KIR2DL4: variants seen among roughly 807,000 people sequenced by gnomAD.
KIR2DL4 encodes killer cell immunoglobulin-like receptor 2DL4.
KIR2DL4 carries 41 observed loss-of-function variants against 31.0 expected under a neutral mutation model. The observed-to-expected ratio is 1.32, with a 90% CI of 1.03 to 1.72. The LOEUF is 1.72. Among genes scored for constraint, KIR2DL4 ranks in the 40% most tolerant of loss-of-function variants. The probability of loss-of-function intolerance (pLI) is 0.00; values close to 1 mark genes in which losing one functional copy is unlikely to be tolerated. For missense variants in KIR2DL4, 438 were observed against 353.7 expected, an observed-to-expected ratio of 1.24 and a Z score of -1.91; for synonymous variants, 164 against 133.6, an observed-to-expected ratio of 1.23 and a Z score of -1.57.
At chr19:54,810,998 C>T (rs1249346273) in intron 5 of KIR2DL4, among the ~76,000 whole-genome samples, 1 of 151,284 alleles carries the variant, frequency 6.6e-6, no homozygotes, top group Non-Finnish European at 1.5e-5. Flanking sequence ...TTAATCTTCA[C>T]TTCATTGATT....
intron 2 of KIR2DL4, 76 bp from the exon 3 acceptor site, chr19:54,804,717 G>T: frequency 6.8e-7 from 1 of 1,467,690 alleles, no homozygotes; most frequent in Non-Finnish European, 9.3e-7. Flanking sequence ...AAGAAATGGG[G>T]AGAATCTTCT....
At position 54,803,825 on chromosome 19, in the gene KIR2DL4, A is replaced by G. The variant is rs1457471877; in HGVS notation, c.41-66A>G. On this transcript the variant is annotated intron_variant, in intron 1 of 7. Transcript: ENST00000359085. The stretch of plus-strand genomic sequence containing the variant: ...TAATTTTCAGTCCAGCGTGGCGCCC[A>G]GTGGCTCAGGAGGAAAGGGTAGGTT... The G allele has an allele frequency of 2.5e-6, 4 of 1,570,196 alleles. No individual in the cohort carries two copies. The African/African-American group carries it at 4.1e-5, about 16-fold the overall frequency.
intron 6 of KIR2DL4, chr19:54,813,423 G>C: frequency 1.3e-6 from 1 of 795,016 alleles, no homozygotes; most frequent in Non-Finnish European, 2.0e-6. Flanking sequence ...ATTGTGAACT[G>C]TATCCTCACG....
chr19:54,807,001 G>A (rs1383451914), intron 4 of KIR2DL4, among the ~76,000 whole-genome samples: 3 of 143,870 alleles, frequency 2.1e-5, no homozygotes, highest in African/African-American at 8.2e-5. Context: ...GTGACACAGA[G>A]AGACTCTGTC....
intron 5 of KIR2DL4, among the ~76,000 whole-genome samples, chr19:54,810,141 C>T (rs528070258): frequency 8.7e-5 from 13 of 149,096 alleles, no homozygotes; most frequent in Middle Eastern, 3.4e-3. Flanking sequence ...TTTTATGAGA[C>T]AGTGTCTCCC....
exon 8 of KIR2DL4, chr19:54,814,301 C>G: frequency 1.6e-6 from 1 of 627,632 alleles, no homozygotes; most frequent in Non-Finnish European, 2.7e-6. Context: ...ACTTCCTAGT[C>G]TACTTGAGGC....
chr19:54,805,317 G>C (rs1041106749), intron 3 of KIR2DL4, among the ~76,000 whole-genome samples: 5 of 151,452 alleles, frequency 3.3e-5, no homozygotes, highest in Non-Finnish European at 7.4e-5. Flanking sequence ...GGAAGATGGA[G>C]CTCAGGTTGT....
rs1343906415 is a variant in KIR2DL4 at position 54,807,489 on chromosome 19, G to C, written c.655+1245G>C. Reference sequence around the variant, plus strand: ...TTTCACTCTTGTTGCCCAAGCTGGAGTGCAATGGCACCACCTGGGCTCACT... The same window carrying C: ...TTTCACTCTTGTTGCCCAAGCTGGACTGCAATGGCACCACCTGGGCTCACT... On this transcript the variant is annotated intron_variant, in intron 4 of 7. Transcript: ENST00000359085. Among the ~76,000 whole-genome samples, 7 of 151,184 alleles carry C rather than the reference G, an allele frequency of 4.6e-5. 1 individual carries two copies. Among genetic ancestry groups the C allele is most frequent in the African/African-American group, 1.7e-4 (7 of 40,792 alleles).
rs1338921926 is a variant in KIR2DL4 at position 54,814,345 on chromosome 19, A to G, written c.*545A>G. On this transcript the variant is annotated 3_prime_UTR_variant, in exon 8 of 8. Coordinates refer to ENST00000359085, the Ensembl canonical transcript of KIR2DL4. ...CACTGAGGAACTCACAATTCCAAACATACAAGAGGCTCTCTCTTAACACGG... is the reference window on the plus strand; with the variant it reads ...CACTGAGGAACTCACAATTCCAAACGTACAAGAGGCTCTCTCTTAACACGG... The G allele has an allele frequency of 4.9e-5, 27 of 551,348 alleles. 1 individual carries two copies. The East Asian group carries it at 8.6e-4, about 18-fold the overall frequency. 34.2% of individuals were successfully genotyped at this position (551,348 alleles called of 1,614,324 possible).
At chr19:54,804,133 G>A (rs918796971) in intron 2 of KIR2DL4, among the ~76,000 whole-genome samples, 2 of 150,250 alleles carry the variant, frequency 1.3e-5, no homozygotes, top group Non-Finnish European at 3.0e-5. Context: ...TCATGAACTA[G>A]TAAGAGGAGA....
exon 1 of KIR2DL4, chr19:54,803,671 T>A (rs1435282098): frequency 1.2e-6 from 2 of 1,612,124 alleles, no homozygotes; most frequent in Non-Finnish European, 1.7e-6. Flanking sequence ...TCACCCACGG[T>A]CATCATCCTG....
exon 8 of KIR2DL4, chr19:54,814,241 A>G: frequency 9.2e-7 from 1 of 1,087,946 alleles, no homozygotes; most frequent in African/African-American, 1.6e-5. Flanking sequence ...CTTAGCCCAC[A>G]ATTCTCTATT....
intron 1 of KIR2DL4, 64 bp from the exon 2 acceptor site, chr19:54,803,827 T>G: frequency 6.4e-7 from 1 of 1,573,190 alleles, no homozygotes; most frequent in Non-Finnish European, 8.7e-7. Flanking sequence ...TGGCGCCCAG[T>G]GGCTCAGGAG....
exon 8 of KIR2DL4, chr19:54,813,878 GCA>G (rs1281129203): frequency 6.2e-7 from 1 of 1,612,286 alleles, no homozygotes; most frequent in Non-Finnish European, 8.5e-7. Context: ...GGTGACATAC[GCA>G]CAGTTGGATC....
chr19:54,804,023 G>C, intron 2 of KIR2DL4, 97 bp downstream of exon 2: 2 of 1,090,224 alleles, frequency 1.8e-6, no homozygotes, highest in Non-Finnish European at 2.7e-6. Context: ...TGGGCTGATG[G>C]GCTGACCATG....
intron 2 of KIR2DL4, 40 bp downstream of exon 2, chr19:54,803,966 C>A (rs1601107741): frequency 6.3e-7 from 1 of 1,584,226 alleles, no homozygotes; most frequent in Non-Finnish European, 8.6e-7. Flanking sequence ...ATCTTCACCC[C>A]AATACAAGTG....
At chr19:54,805,892 G>C in intron 3 of KIR2DL4, 59 bp from the exon 4 acceptor site, 1 of 1,458,500 alleles carries the variant, frequency 6.9e-7, no homozygotes, top group Non-Finnish European at 9.3e-7. Flanking sequence ...CAGCTCAGGT[G>C]GGAGGGGAGC....
intron 3 of KIR2DL4, 101 bp from the exon 4 acceptor site, chr19:54,805,850 G>A: frequency 1.9e-6 from 2 of 1,081,082 alleles, no homozygotes; most frequent in South Asian, 1.5e-5. Context: ...GAGAGAGAGA[G>A]CACTAGGCCA....
At chr19:54,811,575 C>A (rs2147963611) in intron 5 of KIR2DL4, among the ~76,000 whole-genome samples, 1 of 151,092 alleles carries the variant, frequency 6.6e-6, no homozygotes, top group East Asian at 1.9e-4. Context: ...AGCATGAGAT[C>A]ATATGGAAAA....
Sources: gnomAD v4.1 joint callset for allele counts (sites outside exome capture counted in the v4.1 genomes callset) on GRCh38, gnomAD v4.1.1 for gene constraint, MANE v1.5 for transcripts, NCBI Gene and HGNC (gene_info 2026-07-23, HGNC 2026-07-21) for gene names.